TPP2: variants seen among roughly 807,000 people sequenced by gnomAD.
TPP2 encodes tripeptidyl peptidase 2.
In TPP2, 34 loss-of-function variants were observed where a neutral mutation model predicts 155.9. The ratio of observed to expected loss-of-function variants is 0.22; its 90% CI spans 0.17 to 0.29. The LOEUF (loss-of-function observed/expected upper bound fraction) is 0.29, where lower values mean the gene tolerates loss of function less well. Ranked by LOEUF, TPP2 falls within the 10% of genes least tolerant of loss-of-function variation. TPP2 has a pLI of 1.00. For missense variants in TPP2, 1,028 were observed against 1,522.3 expected (o/e 0.68, Z 5.40); for synonymous variants, 510 against 529.4 (o/e 0.96, Z 0.50).
At chr13:102,631,871 C>T (rs1336364677) in intron 10 of TPP2, among the ~76,000 whole-genome samples, 1 of 152,214 alleles carries the variant, frequency 6.6e-6, no homozygotes, top group African/African-American at 2.4e-5. Context: ...AAAACGCTGC[C>T]TCTGCATCAG....
At chr13:102,652,444 ATATATATAT>A (rs1566359218) in intron 24 of TPP2, among the ~76,000 whole-genome samples, 16 of 62,046 alleles carry the variant, frequency 2.6e-4, no homozygotes, top group Non-Finnish European at 4.2e-4. Context: ...ATATATATAT[ATATATATAT>A]AAAAGGGACC....
intron 22 of TPP2, 26 bp downstream of exon 22, chr13:102,649,177 A>G (rs557242367): frequency 1.3e-6 from 2 of 1,579,998 alleles, no homozygotes; most frequent in Admixed American, 1.8e-5. Context: ...GCTTATACTT[A>G]CTGCCCATCG....
chr13:102,651,644 T>G (rs1883495225), intron 24 of TPP2, among the ~76,000 whole-genome samples: 1 of 152,048 alleles, frequency 6.6e-6, no homozygotes, highest in South Asian at 2.1e-4. Context: ...ACAAAAATTT[T>G]AATGCTATTC....
chr13:102,635,335 A>G (rs1193259193), intron 11 of TPP2, among the ~76,000 whole-genome samples: 1 of 152,204 alleles, frequency 6.6e-6, no homozygotes, highest in Non-Finnish European at 1.5e-5. Context: ...ATATTACGCC[A>G]CAAAGCCCAC....
intron 6 of TPP2, among the ~76,000 whole-genome samples, chr13:102,625,205 C>G (rs1249821030): frequency 6.8e-5 from 9 of 132,644 alleles, no homozygotes; most frequent in Non-Finnish European, 1.3e-4. Flanking sequence ...CGCTCTGTCG[C>G]CCAGGCTGGA....
intron 3 of TPP2, among the ~76,000 whole-genome samples, chr13:102,616,145 CG>C (rs1332651799): frequency 6.6e-6 from 1 of 151,882 alleles, no homozygotes; most frequent in Non-Finnish European, 1.5e-5. Context: ...TTAGTAGAGA[CG>C]GGGTTTCACC....
intron 2 of TPP2, among the ~76,000 whole-genome samples, chr13:102,605,400 AT>A (rs965191839): frequency 8.5e-5 from 13 of 152,230 alleles, no homozygotes; most frequent in Non-Finnish European, 1.6e-4. Context: ...TATTGAGCTC[AT>A]TGGAAGTGAG....
chr13:102,651,345 G>A lies in TPP2; in HGVS notation c.2953-14G>A, dbSNP rs564556589. 5.5e-5 allele frequency: 87 copies of A among 1,574,998 alleles called. No homozygotes were observed. Among genetic ancestry groups the A allele is most frequent in the African/African-American group, 1.1e-4 (8 of 74,076 alleles). On this transcript the variant is annotated splice_polypyrimidine_tract_variant and intron_variant, in intron 23 of 29. Coordinates refer to ENST00000376052, the MANE Select transcript of TPP2 (RefSeq NM_001330588.2). ...TATGCATGTTTTCTTACAGAATGTC[G>A]TTCTAACTCCCAGGGGCAGTCTGCA...
chr13:102,620,505 G>A (rs1881073873), intron 5 of TPP2, among the ~76,000 whole-genome samples: 1 of 152,044 alleles, frequency 6.6e-6, no homozygotes. Context: ...GGGTACATAA[G>A]GTTAATCCAG....
At chr13:102,651,144 T>C (rs377295810) in intron 23 of TPP2, among the ~76,000 whole-genome samples, 7 of 152,248 alleles carry the variant, frequency 4.6e-5, no homozygotes, top group African/African-American at 1.7e-4. Context: ...ACATGTACTC[T>C]TAGTAATAAC....
rs955571311 is a variant in TPP2, at chr13:102,669,823, A to G, written c.3372-4460A>G. On this transcript the variant is annotated intron_variant, in intron 27 of 29. Transcript: ENST00000376052. Reference sequence around the variant, plus strand: ...ATTGCCATAAGCTAGGGGGCCAGGCAGTGAGCTGTGGGCCCAAATGTATGT... The same window carrying G: ...ATTGCCATAAGCTAGGGGGCCAGGCGGTGAGCTGTGGGCCCAAATGTATGT... 2.0e-5 allele frequency among the ~76,000 whole-genome samples: 3 copies of G among 152,212 alleles called. No homozygotes were observed. The South Asian group carries it at 6.2e-4, about 32-fold the overall frequency.
intron 2 of TPP2, among the ~76,000 whole-genome samples, chr13:102,610,861 C>A (rs1027170889): frequency 2.0e-5 from 3 of 152,116 alleles, no homozygotes; most frequent in African/African-American, 7.2e-5. Flanking sequence ...CACCATTGTA[C>A]CCACCCAGAT....
intron 1 of TPP2, 118 bp from the exon 2 acceptor site, chr13:102,604,675 C>T (rs2139412264): frequency 8.2e-7 from 1 of 1,212,828 alleles, no homozygotes; most frequent in Middle Eastern, 2.7e-4. Context: ...CAGTTCAGTT[C>T]TCTTTTTTAA....
At chr13:102,632,752 C>G (rs1038932069) in intron 10 of TPP2, among the ~76,000 whole-genome samples, 2 of 152,140 alleles carry the variant, frequency 1.3e-5, no homozygotes, top group Admixed American at 6.6e-5. Flanking sequence ...TCACCCTAAA[C>G]CTTGTTATCT....
intron 24 of TPP2, among the ~76,000 whole-genome samples, chr13:102,655,270 A>G (rs1752369061): frequency 6.6e-6 from 1 of 152,192 alleles, no homozygotes; most frequent in Non-Finnish European, 1.5e-5. Flanking sequence ...TGTGTCGTAT[A>G]TGCTCCTAAA....
intron 1 of TPP2, among the ~76,000 whole-genome samples, chr13:102,604,025 A>G (rs2139410386): frequency 6.6e-6 from 1 of 152,282 alleles, no homozygotes; most frequent in East Asian, 1.9e-4. Context: ...ACTGAAGTAA[A>G]GAATCAGAGG....
chr13:102,625,459 C>T lies in TPP2; in HGVS notation c.785-1553C>T, dbSNP rs546181405. 9.3e-4 allele frequency among the ~76,000 whole-genome samples: 141 copies of T among 152,194 alleles called. 4 individuals are homozygous for T. In the South Asian group the frequency reaches 0.028, roughly 30 times the overall value. On this transcript the variant is annotated intron_variant, in intron 6 of 29. Coordinates refer to ENST00000376052, the MANE Select transcript of TPP2 (RefSeq NM_001330588.2). Reference sequence around the variant, plus strand: ...GATTACAGGTGTGAGCCACTGCGCCCGGCCTTTTTTAAGAAATATTCAAGC... The same window carrying T: ...GATTACAGGTGTGAGCCACTGCGCCTGGCCTTTTTTAAGAAATATTCAAGC...
chr13:102,605,187 C>T (rs538947393), intron 2 of TPP2, among the ~76,000 whole-genome samples: 1 of 151,750 alleles, frequency 6.6e-6, no homozygotes, highest in Non-Finnish European at 1.5e-5. Context: ...GAAGGCTCAG[C>T]TTGGGAGAAG....
Position 102,676,288 on chromosome 13 carries a change from C to T in TPP2, c.3580-8C>T, listed in dbSNP as rs150748717. The T allele has an allele frequency of 7.7e-4, 1,226 of 1,584,876 alleles. 1 individual carries two copies. Among genetic ancestry groups the T allele is most frequent in the Non-Finnish European group, 8.6e-4 (1,002 of 1,161,880 alleles). On this transcript the variant is annotated splice_region_variant and splice_polypyrimidine_tract_variant and intron_variant, in intron 28 of 29. Transcript: ENST00000376052. The stretch of plus-strand genomic sequence containing the variant: ...TATAAACAAGCTTTATCATGTTTTA[C>T]ATTGTAGGTTTTGACATTTGCATAT...
Sources: gnomAD v4.1 joint callset for allele counts (sites outside exome capture counted in the v4.1 genomes callset) on GRCh38, gnomAD v4.1.1 for gene constraint, MANE v1.5 for transcripts, NCBI Gene and HGNC (gene_info 2026-07-23, HGNC 2026-07-21) for gene names.